XKR4: variants seen among roughly 807,000 people sequenced by gnomAD.
The protein encoded by XKR4 is XK-related protein 4.
Under a neutral mutation model 53.9 loss-of-function variants are expected in XKR4, and 12 were observed. That is an observed-to-expected ratio of 0.22 (90% CI 0.14 to 0.36). The LOEUF is 0.36. Among genes scored for constraint, XKR4 ranks in the 10% least tolerant of loss-of-function variants. The probability of loss-of-function intolerance (pLI) is 1.00; values close to 1 mark genes in which losing one functional copy is unlikely to be tolerated. For missense variants in XKR4, 799 were observed against 859.5 expected, an observed-to-expected ratio of 0.93 and a Z score of 0.88; for synonymous variants, 354 against 362.4, an observed-to-expected ratio of 0.98 and a Z score of 0.26.
chr8:55,444,350 C>A lies in XKR4; in HGVS notation c.1007-78931C>A, dbSNP rs377232227. 2.6e-5 allele frequency among the ~76,000 whole-genome samples: 4 copies of A among 152,012 alleles called. No individual in the cohort carries two copies. The East Asian group carries it at 5.8e-4, about 22-fold the overall frequency. ...TCTTAAAATTACAGAAAATGAAAACCATACAGAGAGTTATTAATAAATTCA... is the reference window on the plus strand; with the variant it reads ...TCTTAAAATTACAGAAAATGAAAACAATACAGAGAGTTATTAATAAATTCA... On this transcript the variant is annotated intron_variant, in intron 2 of 2. Coordinates refer to ENST00000327381, the MANE Select transcript of XKR4 (RefSeq NM_052898.2).
At chr8:55,364,285 C>T (rs1018521911) in intron 2 of XKR4, among the ~76,000 whole-genome samples, 2 of 152,190 alleles carry the variant, frequency 1.3e-5, no homozygotes, top group African/African-American at 4.8e-5. Flanking sequence ...CTATCTGACG[C>T]GCGAGTCTTT....
chr8:55,503,705 C>T (rs1806479287), intron 2 of XKR4, among the ~76,000 whole-genome samples: 1 of 151,930 alleles, frequency 6.6e-6, no homozygotes, highest in Admixed American at 6.5e-5. Context: ...ATTTTCTTGC[C>T]TAATTGCTCT....
intron 2 of XKR4, among the ~76,000 whole-genome samples, chr8:55,498,715 G>T (rs912052324): frequency 2.6e-5 from 4 of 152,220 alleles, no homozygotes; most frequent in African/African-American, 9.6e-5. Context: ...CAAGGGTGCA[G>T]TGAGCTCTGA....
At chr8:55,221,142 A>C (rs1403256495) in intron 1 of XKR4, among the ~76,000 whole-genome samples, 1 of 152,228 alleles carries the variant, frequency 6.6e-6, no homozygotes, top group African/African-American at 2.4e-5. Context: ...TGTGGAGCCC[A>C]GCCCTGCTGG....
chr8:55,394,801 T>G (rs1804491584), intron 2 of XKR4, among the ~76,000 whole-genome samples: 1 of 152,220 alleles, frequency 6.6e-6, no homozygotes, highest in Non-Finnish European at 1.5e-5. Flanking sequence ...ACACTGATTT[T>G]CACTTTTCTT....
rs543921696 is a variant in XKR4, at chr8:55,196,879, C to T, written c.806+93585C>T. On this transcript the variant is annotated intron_variant, in intron 1 of 2. Transcript: ENST00000327381. The stretch of plus-strand genomic sequence containing the variant: ...CTGGGTGTCTGCCTCTGCTTGCACA[C>T]AGTGAATGTTATGTGATTGGACGGA... Among the ~76,000 whole-genome samples, 9 of 152,198 alleles carry T rather than the reference C, an allele frequency of 5.9e-5. 1 individual carries two copies. Among genetic ancestry groups the T allele is most frequent in the African/African-American group, 2.2e-4 (9 of 41,528 alleles).
intron 1 of XKR4, among the ~76,000 whole-genome samples, chr8:55,243,857 T>C (rs1034388562): frequency 4.6e-5 from 7 of 152,314 alleles, no homozygotes; most frequent in Middle Eastern, 3.4e-3. Context: ...TCTCCCTGCA[T>C]GGTAGCGATG....
chr8:55,237,714 A>G (rs1818152994), intron 1 of XKR4, among the ~76,000 whole-genome samples: 1 of 152,272 alleles, frequency 6.6e-6, no homozygotes, highest in Non-Finnish European at 1.5e-5. Flanking sequence ...GGGGATGAAC[A>G]CTGTGTGATG....
chr8:55,427,198 T>C (rs1262318631), intron 2 of XKR4, among the ~76,000 whole-genome samples: 1 of 152,228 alleles, frequency 6.6e-6, no homozygotes, highest in Non-Finnish European at 1.5e-5. Context: ...CTACTATACA[T>C]AGAATAGACG....
intron 1 of XKR4, among the ~76,000 whole-genome samples, chr8:55,347,353 AG>A (rs1803664207): frequency 6.6e-6 from 1 of 151,978 alleles, no homozygotes; most frequent in African/African-American, 2.4e-5. Context: ...TGTGTTGTGG[AG>A]GGGATGGGTT....
intron 2 of XKR4, among the ~76,000 whole-genome samples, chr8:55,419,241 C>G (rs973207260): frequency 1.3e-5 from 2 of 152,040 alleles, no homozygotes; most frequent in African/African-American, 4.8e-5. Flanking sequence ...AAAAAATTAG[C>G]CGGAGTGGTG....
chr8:55,470,610 A>G (rs991904423), intron 2 of XKR4, among the ~76,000 whole-genome samples: 1 of 152,182 alleles, frequency 6.6e-6, no homozygotes, highest in African/African-American at 2.4e-5. Flanking sequence ...AAAACAGACT[A>G]ATACACAAGA....
intron 1 of XKR4, among the ~76,000 whole-genome samples, chr8:55,329,381 G>C (rs1455143460): frequency 6.7e-6 from 1 of 148,368 alleles, no homozygotes; most frequent in African/African-American, 2.5e-5. Flanking sequence ...TTTTTTTTTT[G>C]CACTTTTTTT....
At chr8:55,516,007 T>G (rs1806707574) in intron 2 of XKR4, among the ~76,000 whole-genome samples, 2 of 152,224 alleles carry the variant, frequency 1.3e-5, no homozygotes, top group South Asian at 4.1e-4. Flanking sequence ...CCTGTTCTCA[T>G]TGCTAATTAC....
chr8:55,395,090 T>C (rs1804495603), intron 2 of XKR4, among the ~76,000 whole-genome samples: 2 of 152,110 alleles, frequency 1.3e-5, no homozygotes, highest in African/African-American at 4.8e-5. Flanking sequence ...TAATGAGACC[T>C]CTTGAATAAT....
At chr8:55,241,203 A>G (rs1437235404) in intron 1 of XKR4, among the ~76,000 whole-genome samples, 4 of 152,196 alleles carry the variant, frequency 2.6e-5, no homozygotes, top group South Asian at 4.1e-4. Flanking sequence ...CCGTGCATTC[A>G]TGGACTCAGT....
intron 1 of XKR4, among the ~76,000 whole-genome samples, chr8:55,341,633 A>G (rs1359867375): frequency 1.3e-5 from 2 of 152,246 alleles, no homozygotes; most frequent in African/African-American, 2.4e-5. Context: ...ACCAAAGAGC[A>G]TGTAGGTTTA....
chr8:55,156,870 C>A (rs1816915158), intron 1 of XKR4, among the ~76,000 whole-genome samples: 1 of 152,204 alleles, frequency 6.6e-6, no homozygotes, highest in Non-Finnish European at 1.5e-5. Context: ...TTTCCGTAAA[C>A]TTTCTGCATA....
Position 55,103,132 on chromosome 8 carries a change from A to G in XKR4, c.644A>G (p.Gln215Arg). 6.2e-7 allele frequency: 1 copy of G among 1,613,796 alleles called. No homozygotes were observed. The highest frequency in any genetic ancestry group is 1.1e-5 in the South Asian group (1 of 91,086). The change falls in exon 1 of 3, where the codon CAA becomes CGA. Residue 215 changes from glutamine to arginine, a missense_variant. Physicochemically the swap from Gln to Arg is conservative, Grantham distance 43 (BLOSUM62 1). Around this residue, in one of 3 missense-constraint regions of XKR4, gnomAD observed 476 missense variants for 505.4 expected, o/e 0.94. Coordinates refer to ENST00000327381, the MANE Select transcript of XKR4 (RefSeq NM_052898.2). ...GEARPSTPQRQASNASKSNIA... is the reference protein window; with the variant it reads ...GEARPSTPQRRASNASKSNIA... ...GCTCGTCCTTCCACGCCGCAAAGGC[A>G]AGCATCTAACGCCAGCAAGAGCAAC... is the stretch of plus-strand genomic sequence containing the variant.
Sources: allele counts gnomAD v4.1 joint callset (sites outside exome capture counted in the v4.1 genomes callset), GRCh38; gene constraint gnomAD v4.1.1; regional missense constraint gnomAD v4.1.1; transcripts MANE v1.5; gene names NCBI Gene and HGNC (gene_info 2026-07-23, HGNC 2026-07-21).